MMS19: variants seen among roughly 807,000 people sequenced by gnomAD.
MMS19 encodes MMS19 nucleotide excision repair protein homolog.
In MMS19, 77 loss-of-function variants were observed where a neutral mutation model predicts 129.8. The ratio of observed to expected loss-of-function variants is 0.59; its 90% CI spans 0.49 to 0.72. The LOEUF is 0.72. MMS19 is among the 30% of genes least tolerant of loss of function. MMS19 has a pLI of 0.00. For synonymous variants in MMS19, 491 were observed against 502.8 expected (o/e 0.98, Z 0.31); for missense variants, 1,168 against 1,266.3 (o/e 0.92, Z 1.18).
chr10:97,495,361 CA>C (rs1344965462), intron 1 of MMS19, among the ~76,000 whole-genome samples: 1 of 152,194 alleles, frequency 6.6e-6, no homozygotes, highest in Non-Finnish European at 1.5e-5. Context: ...ACCAGGAACC[CA>C]GGTACAAAAC....
Position 97,466,650 on chromosome 10 carries a change from C to A in MMS19, c.1424-65G>T, listed in dbSNP as rs908492642. On this transcript the variant is annotated intron_variant, in intron 15 of 30. Coordinates refer to ENST00000438925, the MANE Select transcript of MMS19 (RefSeq NM_022362.5). ...CTGCAGCCATCACAACCCTTCTAAG[C>A]TCTTATTAGAAATCCCAAATCATCC... 2.5e-5 allele frequency: 40 copies of A among 1,576,794 alleles called. No homozygotes were observed. In the African/African-American group the frequency reaches 5.3e-4, roughly 21 times the overall value.
chr10:97,465,777 T>A, intron 18 of MMS19, 28 bp downstream of exon 18: 1 of 1,601,186 alleles, frequency 6.2e-7, no homozygotes, highest in South Asian at 1.1e-5. Context: ...TTCAGCCCAG[T>A]CCGTTGGTGG....
rs150845089 is a variant in MMS19 at position 97,468,405 on chromosome 10, G to A, written c.1065C>T (p.Asp355=). ...CCGGTTCACACAGGTGGTGCCTGCA[G>A]TCTAGAGAAGCAGCACATCACAGAG... ...LDSFLSNILQ[D]CRHHLCEPDM... is the part of the protein sequence containing the mutation. The change falls in exon 13 of 31, where the codon GAC becomes GAT. Residue 355 remains aspartate, a splice_region_variant and synonymous_variant. Transcript: ENST00000438925. The A allele has an allele frequency of 1.9e-6, 3 of 1,601,386 alleles. No homozygotes were observed. The highest frequency in any genetic ancestry group is 2.2e-5 in the South Asian group (2 of 89,922).
At chr10:97,485,503 G>A (rs980465966) in intron 1 of MMS19, among the ~76,000 whole-genome samples, 2 of 152,146 alleles carry the variant, frequency 1.3e-5, no homozygotes, top group African/African-American at 4.8e-5. Flanking sequence ...AGTAGAGATG[G>A]GGTTTTGCCA....
Position 97,479,182 on chromosome 10 carries a change from C to T in MMS19, c.263-793G>A, listed in dbSNP as rs189263457. 4.5e-4 allele frequency among the ~76,000 whole-genome samples: 69 copies of T among 152,260 alleles called. 1 individual carries two copies. In the East Asian group the frequency reaches 0.012, roughly 26 times the overall value. The stretch of plus-strand genomic sequence containing the variant: ...TATTAAACTCTCCGCTACTTAAAAC[C>T]ACTTCATGTGTGTCGGTGTCGTTTT... On this transcript the variant is annotated intron_variant, in intron 3 of 30. Coordinates refer to ENST00000438925, the MANE Select transcript of MMS19 (RefSeq NM_022362.5).
At chr10:97,494,817 A>G (rs1354484882) in intron 1 of MMS19, among the ~76,000 whole-genome samples, 1 of 152,216 alleles carries the variant, frequency 6.6e-6, no homozygotes, top group Non-Finnish European at 1.5e-5. Context: ...TTCAAGCCCT[A>G]TAATAACTAG....
intron 2 of MMS19, among the ~76,000 whole-genome samples, chr10:97,483,178 G>C (rs1451839412): frequency 6.6e-6 from 1 of 151,954 alleles, no homozygotes; most frequent in Non-Finnish European, 1.5e-5. Flanking sequence ...TCAGCCTTCC[G>C]GGTAGCTGGG....
rs762696027 is a variant in MMS19, at chr10:97,477,430, G to C, written c.424-14C>G. 80 of 1,613,812 alleles carry C rather than the reference G, an allele frequency of 5.0e-5. No homozygotes were observed. The highest frequency in any genetic ancestry group is 6.5e-5 in the Non-Finnish European group (77 of 1,179,858). ...CTGTGGCAGGGACTTGGGGGTGGGG[G>C]AGAAAGAAGTGAAGAAAATGCTCAA... On this transcript the variant is annotated splice_polypyrimidine_tract_variant and intron_variant, in intron 5 of 30. Coordinates refer to ENST00000438925, the MANE Select transcript of MMS19 (RefSeq NM_022362.5).
chr10:97,481,367 T>A (rs900919704), intron 2 of MMS19, among the ~76,000 whole-genome samples: 2 of 152,170 alleles, frequency 1.3e-5, no homozygotes, highest in African/African-American at 2.4e-5. Flanking sequence ...CCCAGTGGTA[T>A]GATTGTGACA....
chr10:97,498,430 G>A (rs747938143), upstream of MMS19: 2 of 1,557,282 alleles, frequency 1.3e-6, no homozygotes, highest in East Asian at 2.4e-5. Flanking sequence ...GGTGGCTCGA[G>A]ACGGGCTCTC....
intron 19 of MMS19, chr10:97,462,920 CAGTG>C (rs2032409822): frequency 2.4e-6 from 1 of 413,736 alleles, no homozygotes; most frequent in Non-Finnish European, 4.3e-6. Context: ...ACTAGGCCAA[CAGTG>C]GGAAAGAGGG....
At chr10:97,465,291 C>A (rs1411326023) in intron 18 of MMS19, among the ~76,000 whole-genome samples, 1 of 152,130 alleles carries the variant, frequency 6.6e-6, no homozygotes, top group African/African-American at 2.4e-5. Flanking sequence ...TGTGCCACTG[C>A]GCCCAACCCT....
chr10:97,497,256 A>G (rs1164359246), intron 1 of MMS19, among the ~76,000 whole-genome samples: 1 of 152,214 alleles, frequency 6.6e-6, no homozygotes, highest in East Asian at 1.9e-4. Flanking sequence ...TTGGGGAATA[A>G]TATGTATTCA....
At chr10:97,493,636 A>G (rs1169214245) in intron 1 of MMS19, among the ~76,000 whole-genome samples, 2 of 152,242 alleles carry the variant, frequency 1.3e-5, no homozygotes, top group Non-Finnish European at 2.9e-5. Context: ...TTGGCATGAG[A>G]AAGAAGTAAA....
chr10:97,488,529 T>G lies in MMS19; in HGVS notation c.113-4378A>C, dbSNP rs1178461235. ...AAAATCTGTGGATGCTCAAGACCCT[T>G]ATATAAAATGGTAAGAGTATTTGCA... On this transcript the variant is annotated intron_variant, in intron 1 of 30. Coordinates refer to ENST00000438925, the MANE Select transcript of MMS19 (RefSeq NM_022362.5). Among the ~76,000 whole-genome samples the G allele has an allele frequency of 2.6e-5, 4 of 152,306 alleles. No homozygotes were observed. In the East Asian group the frequency reaches 7.7e-4, roughly 29 times the overall value.
Position 97,468,952 on chromosome 10 carries a change from C to T in MMS19, c.1063+14G>A. On this transcript the variant is annotated intron_variant, in intron 12 of 30. Transcript: ENST00000438925. The stretch of plus-strand genomic sequence containing the variant: ...TGTGCTCACTCCCCTTCCTGGCTGC[C>T]ACGGCCCCATTACCCTGTAGAATGT... The T allele has an allele frequency of 1.3e-6, 2 of 1,580,116 alleles. No individual in the cohort carries two copies. The highest frequency in any genetic ancestry group is 1.7e-6 in the Non-Finnish European group (2 of 1,162,978).
chr10:97,474,539 C>A (rs868051442), intron 8 of MMS19, among the ~76,000 whole-genome samples: 2 of 151,612 alleles, frequency 1.3e-5, no homozygotes, highest in Non-Finnish European at 2.9e-5. Flanking sequence ...CAGAGTGAGA[C>A]CCTGTCTGAA....
rs1010966671 is a variant in MMS19 at position 97,458,355 on chromosome 10, T to A, written c.*337A>T. On this transcript the variant is annotated 3_prime_UTR_variant, in exon 31 of 31. Transcript: ENST00000438925. ...AAAGAAATCTTTATTCTTCAGCAGGTAGACAACATCTGCCAGCCCTGGTCC... is the reference window on the plus strand; with the variant it reads ...AAAGAAATCTTTATTCTTCAGCAGGAAGACAACATCTGCCAGCCCTGGTCC... The A allele has an allele frequency of 8.1e-6, 2 of 248,158 alleles. No individual in the cohort carries two copies. The highest frequency in any genetic ancestry group is 4.5e-5 in the African/African-American group (2 of 44,910). 15.4% of individuals were successfully genotyped at this position (248,158 alleles called of 1,614,324 possible). A position where few individuals can be genotyped will look rare whatever the true frequency, so the allele number is the denominator to read the frequency against.
chr10:97,485,330 G>T (rs1355057365), intron 1 of MMS19, among the ~76,000 whole-genome samples: 1 of 148,244 alleles, frequency 6.7e-6, no homozygotes, highest in African/African-American at 2.5e-5. Context: ...TTCTTTTTTT[G>T]AGATGGAGTC....
Sources: allele counts gnomAD v4.1 joint callset (sites outside exome capture counted in the v4.1 genomes callset), GRCh38; gene constraint gnomAD v4.1.1; transcripts MANE v1.5; gene names NCBI Gene and HGNC (gene_info 2026-07-23, HGNC 2026-07-21).